Variants in SHROOM3 observed in about 807,000 individuals in gnomAD.
SHROOM3 encodes protein Shroom3.
Under a neutral mutation model 138.6 loss-of-function variants are expected in SHROOM3, and 47 were observed. That is an observed-to-expected ratio of 0.34 (90% CI 0.27 to 0.43). The LOEUF (loss-of-function observed/expected upper bound fraction) is 0.43. Among genes scored for constraint, SHROOM3 ranks in the 20% least tolerant of loss-of-function variants. The probability of loss-of-function intolerance (pLI) is 1.00; values close to 1 mark genes in which losing one functional copy is unlikely to be tolerated. For missense variants in SHROOM3, 2,491 were observed against 2,596.5 expected (o/e 0.96, Z 0.88); for synonymous variants, 1,062 against 1,063.3 (o/e 1.00, Z 0.02).
chr4:76,551,892 C>G (rs556534982), intron 1 of SHROOM3, among the ~76,000 whole-genome samples: 1 of 151,370 alleles, frequency 6.6e-6, no homozygotes, highest in Non-Finnish European at 1.5e-5. Context: ...GACAGAGTCT[C>G]GCTCTGTCAC....
chr4:76,753,660 C>G (rs1029342636), intron 6 of SHROOM3, among the ~76,000 whole-genome samples: 10 of 152,180 alleles, frequency 6.6e-5, no homozygotes, highest in Non-Finnish European at 1.3e-4. Context: ...CGGAGTCTAG[C>G]GTACAGTTGT....
chr4:76,689,952 T>G (rs1261974855), intron 2 of SHROOM3, among the ~76,000 whole-genome samples: 1 of 152,180 alleles, frequency 6.6e-6, no homozygotes, highest in Non-Finnish European at 1.5e-5. Flanking sequence ...AAAATAATTG[T>G]TGATTATTGA....
chr4:76,746,784 T>C (rs555808456), intron 5 of SHROOM3, among the ~76,000 whole-genome samples: 469 of 10,838 alleles, frequency 0.043, 7 homozygotes, highest in Admixed American at 0.23. Flanking sequence ...AGATTTACAT[T>C]ATTATTATTA....
intron 3 of SHROOM3, among the ~76,000 whole-genome samples, chr4:76,728,344 T>G (rs957252741): frequency 1.9e-4 from 29 of 152,230 alleles, no homozygotes; most frequent in African/African-American, 6.5e-4. Context: ...CTCATGATAG[T>G]GAATAAGTCT....
chr4:76,552,649 T>G (rs1469269347), intron 1 of SHROOM3, among the ~76,000 whole-genome samples: 1 of 151,088 alleles, frequency 6.6e-6, no homozygotes, highest in Non-Finnish European at 1.5e-5. Context: ...TACATATATA[T>G]AGATATCTAT....
chr4:76,737,309 T>C (rs1453080842), intron 4 of SHROOM3, among the ~76,000 whole-genome samples: 1 of 151,772 alleles, frequency 6.6e-6, no homozygotes, highest in Non-Finnish European at 1.5e-5. Flanking sequence ...TGTGTAGATA[T>C]ACCACAGTTT....
intron 2 of SHROOM3, chr4:76,573,547 C>T (rs1298857451): frequency 6.5e-6 from 1 of 154,396 alleles, no homozygotes; most frequent in Non-Finnish European, 1.5e-5. Context: ...TTCTCCACTG[C>T]CCAGCTGTCT....
At chr4:76,569,699 G>GT (rs111300353) in intron 2 of SHROOM3, among the ~76,000 whole-genome samples, 45,057 of 147,378 alleles carry the variant, frequency 0.31, 7,144 homozygotes, top group Middle Eastern at 0.39. Flanking sequence ...TCCTATGACA[G>GT]TTTTTTTTTT....
Position 76,739,699 on chromosome 4 carries a change from A to G in SHROOM3, c.1526A>G (p.Asn509Ser). 1 of 1,614,184 alleles carries G rather than the reference A, an allele frequency of 6.2e-7. No homozygotes were observed. Residue 509 changes from asparagine to serine, a missense_variant, in exon 5 of 11, where the codon AAC becomes AGC. By Grantham distance (46) the Asn-to-Ser change is conservative (BLOSUM62 1). Transcript: ENST00000296043. ...TACATAGCCCCTCAGGGAGCATGCA[A>G]CAAGATGGCTACCATTGATGAGAAT... ...SGYIAPQGAC[N>S]KMATIDENGN...
At chr4:76,711,346 A>T (rs1427605822) in intron 3 of SHROOM3, among the ~76,000 whole-genome samples, 1 of 152,232 alleles carries the variant, frequency 6.6e-6, no homozygotes, top group Non-Finnish European at 1.5e-5. Flanking sequence ...GGCTGTGCCT[A>T]CTATGTCATG....
Position 76,570,545 on chromosome 4 carries a change from G to A in SHROOM3, c.323+14782G>A, listed in dbSNP as rs574996636. Among the ~76,000 whole-genome samples the A allele has an allele frequency of 6.6e-5, 10 of 152,196 alleles. No individual in the cohort carries two copies. In the South Asian group the frequency reaches 2.1e-3, roughly 32 times the overall value. The stretch of plus-strand genomic sequence containing the variant: ...GTCAGGGGCAGAGGTCAAAAACTCC[G>A]AGTCACTCCATGAGGTAGCAATGAA... On this transcript the variant is annotated intron_variant, in intron 2 of 10. Transcript: ENST00000296043.
chr4:76,638,670 T>G (rs956732492), intron 2 of SHROOM3, among the ~76,000 whole-genome samples: 9 of 152,226 alleles, frequency 5.9e-5, no homozygotes, highest in Admixed American at 4.6e-4. Context: ...GCATAATTCA[T>G]CCAGGAAGAC....
chr4:76,717,474 G>A (rs867602104), intron 3 of SHROOM3, among the ~76,000 whole-genome samples: 3 of 151,562 alleles, frequency 2.0e-5, no homozygotes, highest in Non-Finnish European at 2.9e-5. Context: ...TTTCCATTAC[G>A]TCTATGTTAC....
At chr4:76,555,539 G>GGGATAGCCGGACAGACCCCA in intron 1 of SHROOM3, 70 bp from the exon 2 acceptor site, 1 of 1,606,034 alleles carries the variant, frequency 6.2e-7, no homozygotes, top group East Asian at 2.2e-5. Context: ...AGCTGGGCTC[G>GGGATAGCCGGACAGACCCCA]GGATAGCCGG....
At chr4:76,589,196 G>A (rs146901579) in intron 2 of SHROOM3, among the ~76,000 whole-genome samples, 14 of 152,358 alleles carry the variant, frequency 9.2e-5, no homozygotes, top group Non-Finnish European at 1.5e-4. Context: ...AGCTGGGTGC[G>A]GTGGCTGACG....
At chr4:76,460,827 C>CAAAAAAAAAAAAAAAAAAAAAA (rs58793404) in intron 1 of SHROOM3, among the ~76,000 whole-genome samples, 4 of 78,770 alleles carry the variant, frequency 5.1e-5, no homozygotes, top group Admixed American at 1.9e-4. Flanking sequence ...CCCGTATCTA[C>CAAAAAAAAAAAAAAAAAAAAAA]AAAAAAAAAA....
At chr4:76,603,138 G>T (rs185098836) in intron 2 of SHROOM3, among the ~76,000 whole-genome samples, 72 of 152,238 alleles carry the variant, frequency 4.7e-4, no homozygotes, top group African/African-American at 1.7e-3. Context: ...CACATACTTG[G>T]CTGGGCGTGG....
chr4:76,686,174 T>A (rs1478721918), intron 2 of SHROOM3, among the ~76,000 whole-genome samples: 4 of 152,006 alleles, frequency 2.6e-5, no homozygotes, highest in Non-Finnish European at 5.9e-5. Flanking sequence ...CCACCACGCC[T>A]GGCTAATTTT....
chr4:76,570,186 C>T (rs1733807775), intron 2 of SHROOM3, among the ~76,000 whole-genome samples: 1 of 151,812 alleles, frequency 6.6e-6, no homozygotes, highest in Non-Finnish European at 1.5e-5. Context: ...CACACACACG[C>T]ACACCAGTAC....
Sources: gnomAD v4.1 joint callset for allele counts (sites outside exome capture counted in the v4.1 genomes callset) on GRCh38, gnomAD v4.1.1 for gene constraint, MANE v1.5 for transcripts, NCBI Gene and HGNC (gene_info 2026-07-23, HGNC 2026-07-21) for gene names.